CHST8: variants seen among roughly 807,000 people sequenced by gnomAD.
CHST8 encodes GALNAC-4-ST1.
A neutral mutation model predicts 15.0 loss-of-function variants in CHST8; 10 were observed. The observed-to-expected ratio is 0.67, with a 90% CI of 0.41 to 1.13. The LOEUF is 1.13. CHST8 is among the 50% of genes most tolerant of loss of function. The pLI is 0.00. For synonymous variants in CHST8, 259 were observed against 256.6 expected (o/e 1.01, Z -0.09); for missense variants, 634 against 608.2 (o/e 1.04, Z -0.45).
intron 3 of CHST8, among the ~76,000 whole-genome samples, chr19:33,757,440 AAG>A (rs1568358356): frequency 3.7e-5 from 1 of 26,850 alleles, no homozygotes; most frequent in Non-Finnish European, 7.6e-5. Flanking sequence ...GAAAGAAAGA[AAG>A]AAAGAAAGAA....
At chr19:33,688,283 G>A (rs181781534) in intron 2 of CHST8, among the ~76,000 whole-genome samples, 3 of 152,242 alleles carry the variant, frequency 2.0e-5, no homozygotes, top group Non-Finnish European at 2.9e-5. Flanking sequence ...TGGCTGGTAT[G>A]TGGGGGATGG....
At chr19:33,671,835 A>T (rs1972742590) in intron 2 of CHST8, among the ~76,000 whole-genome samples, 1 of 151,792 alleles carries the variant, frequency 6.6e-6, no homozygotes, top group Non-Finnish European at 1.5e-5. Context: ...TCATGAATGG[A>T]TCCCAGTTGC....
intron 1 of CHST8, among the ~76,000 whole-genome samples, chr19:33,648,731 A>G (rs557887375): frequency 1.3e-5 from 2 of 152,268 alleles, no homozygotes; most frequent in East Asian, 3.9e-4. Context: ...AAATGAAAAT[A>G]TATGTCCCCA....
chr19:33,771,491 C>T (rs1381404593), intron 4 of CHST8, 41 bp downstream of exon 4: 1 of 1,602,102 alleles, frequency 6.2e-7, no homozygotes, highest in South Asian at 1.1e-5. Context: ...GCACACAGCC[C>T]TTGGGAAACT....
intron 3 of CHST8, among the ~76,000 whole-genome samples, chr19:33,725,111 G>A (rs1317847035): frequency 1.3e-5 from 2 of 152,092 alleles, no homozygotes; most frequent in African/African-American, 2.4e-5. Context: ...TGCGTGCACA[G>A]AGTGTGAGGG....
chr19:33,695,815 T>TTCTC (rs1973201512), intron 3 of CHST8, among the ~76,000 whole-genome samples: 1 of 132,078 alleles, frequency 7.6e-6, no homozygotes, highest in Non-Finnish European at 1.6e-5. Context: ...CTTTCTTTCT[T>TTCTC]TCTTTCTTTT....
At chr19:33,716,025 C>T (rs80324323) in intron 3 of CHST8, among the ~76,000 whole-genome samples, 104 of 152,318 alleles carry the variant, frequency 6.8e-4, no homozygotes, top group Middle Eastern at 3.4e-3. Flanking sequence ...CTTATAGATG[C>T]GTCATTTGCA....
intron 1 of CHST8, among the ~76,000 whole-genome samples, chr19:33,644,465 T>C (rs1407448626): frequency 6.6e-6 from 1 of 152,018 alleles, no homozygotes; most frequent in African/African-American, 2.4e-5. Context: ...CCGGGTGTGG[T>C]GGCTCATGCC....
At chr19:33,622,933 G>A (rs142428058) in intron 1 of CHST8, among the ~76,000 whole-genome samples, 4,522 of 152,272 alleles carry the variant, frequency 0.03, 91 homozygotes, top group East Asian at 0.049. Context: ...AGCCTGGGGC[G>A]GCTCCAGGGG....
intron 3 of CHST8, among the ~76,000 whole-genome samples, chr19:33,724,716 C>T (rs1302689196): frequency 1.3e-5 from 2 of 152,208 alleles, no homozygotes; most frequent in South Asian, 2.1e-4. Context: ...CTTTTCTCCC[C>T]ATCCTAGCAT....
At chr19:33,762,605 C>T (rs569351513) in intron 3 of CHST8, among the ~76,000 whole-genome samples, 141 of 152,252 alleles carry the variant, frequency 9.3e-4, no homozygotes, top group Non-Finnish European at 1.5e-3. Flanking sequence ...GCAGGAGCTG[C>T]GCTGCGGGAG....
At chr19:33,637,891 T>A (rs1476451012) in intron 1 of CHST8, among the ~76,000 whole-genome samples, 3 of 142,150 alleles carry the variant, frequency 2.1e-5, no homozygotes, top group East Asian at 2.1e-4. Context: ...GGTCCCAAAG[T>A]GTAGGATCTG....
Position 33,771,462 on chromosome 19 carries a change from G to A in CHST8, c.168+12G>A. 6.2e-7 allele frequency: 1 copy of A among 1,613,952 alleles called. No homozygotes were observed. Among genetic ancestry groups the A allele is most frequent in the Non-Finnish European group, 8.5e-7 (1 of 1,179,852 alleles). On this transcript the variant is annotated intron_variant, in intron 4 of 4. Coordinates refer to ENST00000650847, the MANE Select transcript of CHST8 (RefSeq NM_001127895.2). ...GGCAGCCCCACCACGTAAGTTCTGA[G>A]AGTCAGATAAATCTCAGTGCACACA... is the stretch of plus-strand genomic sequence containing the variant.
At chr19:33,702,074 A>C (rs1301594667) in intron 3 of CHST8, among the ~76,000 whole-genome samples, 3 of 152,208 alleles carry the variant, frequency 2.0e-5, no homozygotes, top group Non-Finnish European at 4.4e-5. Context: ...TCCCAAGTTC[A>C]AGCGATTCTC....
At chr19:33,731,901 A>G (rs1018687839) in intron 3 of CHST8, among the ~76,000 whole-genome samples, 2 of 152,166 alleles carry the variant, frequency 1.3e-5, no homozygotes, top group African/African-American at 4.8e-5. Flanking sequence ...TTCCACTCCA[A>G]GAAGCTCATG....
intron 1 of CHST8, among the ~76,000 whole-genome samples, chr19:33,644,283 T>C (rs1269612829): frequency 6.6e-6 from 1 of 152,140 alleles, no homozygotes; most frequent in Admixed American, 6.5e-5. Context: ...ATCCATGTAC[T>C]CAACAAATAT....
chr19:33,766,432 C>A (rs944349899), intron 3 of CHST8, among the ~76,000 whole-genome samples: 2 of 152,196 alleles, frequency 1.3e-5, no homozygotes, highest in African/African-American at 4.8e-5. Flanking sequence ...GCACTCGGGG[C>A]AGGCCATCTG....
chr19:33,648,321 C>T (rs1209597000), intron 1 of CHST8, among the ~76,000 whole-genome samples: 2 of 152,142 alleles, frequency 1.3e-5, no homozygotes, highest in Non-Finnish European at 2.9e-5. Context: ...GTGCGCCCAT[C>T]GCCACAGTCA....
chr19:33,743,484 G>A (rs985553846), intron 3 of CHST8, among the ~76,000 whole-genome samples: 17 of 151,726 alleles, frequency 1.1e-4, no homozygotes, highest in Admixed American at 4.6e-4. Context: ...TCTATTTTTA[G>A]TAGAGACGGG....
Sources: gnomAD v4.1 joint callset for allele counts (sites outside exome capture counted in the v4.1 genomes callset) on GRCh38, gnomAD v4.1.1 for gene constraint, MANE v1.5 for transcripts, NCBI Gene and HGNC (gene_info 2026-07-23, HGNC 2026-07-21) for gene names.